Variants in FOXP2 observed in about 807,000 individuals in gnomAD.
The protein encoded by FOXP2 is forkhead box P2.
A neutral mutation model predicts 115.8 loss-of-function variants in FOXP2; 12 were observed. That is an observed-to-expected ratio of 0.10 (90% CI 0.07 to 0.17). FOXP2 has a LOEUF of 0.17. Ranked by LOEUF, FOXP2 falls within the 10% of genes least tolerant of loss-of-function variation. The pLI, the probability that FOXP2 is intolerant of heterozygous loss-of-function variation, is 1.00. For missense variants in FOXP2, 629 were observed against 843.5 expected, an observed-to-expected ratio of 0.75 and a Z score of 3.15; for synonymous variants, 328 against 297.7, an observed-to-expected ratio of 1.10 and a Z score of -1.05.
Position 114,428,829 on chromosome 7 carries a change from A to G in FOXP2, c.168+2150A>G, listed in dbSNP as rs1008722311. 3.3e-5 allele frequency among the ~76,000 whole-genome samples: 5 copies of G among 151,726 alleles called. 1 individual carries two copies. Among genetic ancestry groups the G allele is most frequent in the Admixed American group, 3.3e-4 (5 of 15,174 alleles). ...ATTTCAAAACTAAAAACCATAAAGC[A>G]TATTTATTAAAACAAATTTCACAAG... On this transcript the variant is annotated intron_variant, in intron 2 of 16. Coordinates refer to ENST00000350908, the MANE Select transcript of FOXP2 (RefSeq NM_014491.4).
chr7:114,591,838 G>C (rs1802451548), intron 3 of FOXP2, among the ~76,000 whole-genome samples: 1 of 152,056 alleles, frequency 6.6e-6, no homozygotes, highest in African/African-American at 2.4e-5. Flanking sequence ...TCCAGAGAAT[G>C]TTCTACAATG....
Position 114,188,026 on chromosome 7 carries a change from T to G in FOXP2, c.-102+24938T>G, listed in dbSNP as rs1363988029. On this transcript the variant is annotated intron_variant, in intron 1 of 17. Coordinates refer to the FOXP2 transcript ENST00000634411. ...ATACTATTACAATGGCAATTACATTTCAACATGAGTTTTGGAATGGACAAC... is the reference window on the plus strand; with the variant it reads ...ATACTATTACAATGGCAATTACATTGCAACATGAGTTTTGGAATGGACAAC... Among the ~76,000 whole-genome samples, 4 of 152,168 alleles carry G rather than the reference T, an allele frequency of 2.6e-5. No homozygotes were observed. In the East Asian group the frequency reaches 5.8e-4, roughly 22 times the overall value.
intron 2 of FOXP2, among the ~76,000 whole-genome samples, chr7:114,329,192 A>T (rs1797633280): frequency 6.6e-6 from 1 of 152,156 alleles, no homozygotes; most frequent in South Asian, 2.1e-4. Context: ...GATGATGAAT[A>T]AATAAAAGCA....
chr7:114,109,291 C>T (rs865779134), intron 1 of FOXP2, among the ~76,000 whole-genome samples: 3 of 151,956 alleles, frequency 2.0e-5, no homozygotes, highest in South Asian at 4.1e-4. Context: ...TCTTTTTAAT[C>T]GGCATATACA....
intron 1 of FOXP2, among the ~76,000 whole-genome samples, chr7:114,166,576 G>A (rs1397309414): frequency 6.6e-6 from 1 of 152,108 alleles, no homozygotes; most frequent in African/African-American, 2.4e-5. Context: ...ATGGTGGCAT[G>A]TGCCTGTAGC....
At chr7:114,467,704 A>G (rs1795870292) in intron 2 of FOXP2, among the ~76,000 whole-genome samples, 1 of 152,214 alleles carries the variant, frequency 6.6e-6, no homozygotes, top group Non-Finnish European at 1.5e-5. Context: ...GGAACAAGAA[A>G]ACAAAGAAAT....
chr7:114,503,115 G>C (rs1797642230), intron 2 of FOXP2, among the ~76,000 whole-genome samples: 1 of 151,876 alleles, frequency 6.6e-6, no homozygotes, highest in Non-Finnish European at 1.5e-5. Flanking sequence ...GCTTCTTTTT[G>C]TTTTAGTTTA....
intron 3 of FOXP2, among the ~76,000 whole-genome samples, chr7:114,611,253 T>C (rs1803612695): frequency 6.6e-6 from 1 of 152,234 alleles, no homozygotes; most frequent in Admixed American, 6.5e-5. Context: ...GAGCCACTTA[T>C]GTGAACACAT....
At chr7:114,129,913 A>G (rs944876244) in intron 1 of FOXP2, among the ~76,000 whole-genome samples, 1 of 152,238 alleles carries the variant, frequency 6.6e-6, no homozygotes, top group Admixed American at 6.5e-5. Context: ...AAAACTTTGA[A>G]AAATTATTTT....
chr7:114,391,516 G>A (rs945275606), intron 2 of FOXP2, among the ~76,000 whole-genome samples: 4 of 152,212 alleles, frequency 2.6e-5, no homozygotes, highest in African/African-American at 9.6e-5. Context: ...ATTGAAAGAA[G>A]CTTCACTAGG....
chr7:114,667,867 A>G (rs1241090837), intron 16 of FOXP2: 3 of 152,296 alleles, frequency 2.0e-5, no homozygotes, highest in Admixed American at 1.3e-4. Context: ...AGAGACTGGA[A>G]GCAGAAAATT....
At position 114,121,326 on chromosome 7, in the gene FOXP2, C is replaced by G. The variant is rs116307726; in HGVS notation, c.-247+33488C>G. On this transcript the variant is annotated intron_variant, in intron 1 of 19. Coordinates refer to the FOXP2 transcript ENST00000635638. ...AACTGGGCCAGGCTGTTCCCCTGAT[C>G]TCAGACTTCCAGCCCCAGAACAGGG... is the stretch of plus-strand genomic sequence containing the variant. 2.5e-3 allele frequency among the ~76,000 whole-genome samples: 383 copies of G among 152,222 alleles called. 1 individual carries two copies. The highest frequency in any genetic ancestry group is 8.9e-3 in the African/African-American group (369 of 41,550).
intron 1 of FOXP2, among the ~76,000 whole-genome samples, chr7:114,148,023 C>T (rs780838085): frequency 1.3e-5 from 2 of 152,168 alleles, no homozygotes; most frequent in Non-Finnish European, 1.5e-5. Flanking sequence ...TTCTACAAGC[C>T]ATTCAACTGC....
chr7:114,275,682 T>C (rs1796169214), intron 1 of FOXP2, among the ~76,000 whole-genome samples: 2 of 152,236 alleles, frequency 1.3e-5, no homozygotes, highest in Non-Finnish European at 2.9e-5. Context: ...CCAATATACC[T>C]GCCATGTCTG....
intron 2 of FOXP2, among the ~76,000 whole-genome samples, chr7:114,382,328 A>G (rs1274350529): frequency 1.3e-5 from 2 of 152,162 alleles, no homozygotes; most frequent in African/African-American, 4.8e-5. Flanking sequence ...TGCCCCGGGC[A>G]CCCTCAGTCC....
intron 2 of FOXP2, among the ~76,000 whole-genome samples, chr7:114,474,908 A>G (rs1175637037): frequency 6.6e-6 from 1 of 151,810 alleles, no homozygotes; most frequent in Non-Finnish European, 1.5e-5. Context: ...GAATTGTTTT[A>G]TGGGCATAGA....
At chr7:114,557,849 G>T (rs748864786) in intron 3 of FOXP2, among the ~76,000 whole-genome samples, 16 of 151,016 alleles carry the variant, frequency 1.1e-4, no homozygotes, top group Non-Finnish European at 2.2e-4. Flanking sequence ...CTGCTCTGTC[G>T]CCCAGGCTGG....
chr7:114,654,277 G>C (rs1000375402), intron 10 of FOXP2: 11 of 715,670 alleles, frequency 1.5e-5, no homozygotes, highest in Non-Finnish European at 2.3e-5. Flanking sequence ...TGAAGCCAGA[G>C]AGAATTTCTT....
intron 2 of FOXP2, chr7:114,499,227 G>A (rs973964458): frequency 9.3e-6 from 3 of 321,150 alleles, no homozygotes; most frequent in Admixed American, 9.0e-5. Flanking sequence ...AGTGATTATG[G>A]AGGATTGCAT....
Sources: allele counts gnomAD v4.1 joint callset (sites outside exome capture counted in the v4.1 genomes callset), GRCh38; gene constraint gnomAD v4.1.1; transcripts MANE v1.5; gene names NCBI Gene and HGNC (gene_info 2026-07-23, HGNC 2026-07-21).